Variants in PHF20 observed in about 807,000 individuals in gnomAD.
PHF20 encodes PHD finger protein 20, also known as glioma-expressed antigen 2.
A neutral mutation model predicts 113.5 loss-of-function variants in PHF20; 23 were observed. The ratio of observed to expected loss-of-function variants is 0.20; its 90% confidence interval spans 0.15 to 0.29. PHF20 has a LOEUF of 0.29. PHF20 is among the 10% of genes least tolerant of loss of function. The pLI is 1.00. For synonymous variants in PHF20, 434 were observed against 457.3 expected, an observed-to-expected ratio of 0.95 and a Z score of 0.65; for missense variants, 943 against 1,219.6, an observed-to-expected ratio of 0.77 and a Z score of 3.38.
chr20:35,813,475 C>T lies in PHF20; in HGVS notation c.83+11870C>T, dbSNP rs79292874. ...TTGTTTTCTGGCACTACTAGAAACCCCAAACTTACTTTCTACTTTTCTTAT... is the reference window on the plus strand; with the variant it reads ...TTGTTTTCTGGCACTACTAGAAACCTCAAACTTACTTTCTACTTTTCTTAT... On this transcript the variant is annotated intron_variant, in intron 2 of 17. Transcript: ENST00000374012. Among the ~76,000 whole-genome samples the T allele has an allele frequency of 4.6e-3, 703 of 152,258 alleles. 7 individuals carry two copies. Among genetic ancestry groups the T allele is most frequent in the African/African-American group, 0.016 (679 of 41,540 alleles).
intron 9 of PHF20, among the ~76,000 whole-genome samples, chr20:35,875,273 C>T (rs1297368401): frequency 6.6e-6 from 1 of 152,082 alleles, no homozygotes; most frequent in Non-Finnish European, 1.5e-5. Flanking sequence ...TGGCGCACGC[C>T]TGTAGTCCCA....
chr20:35,786,389 CAATA>C (rs542171645), intron 1 of PHF20, among the ~76,000 whole-genome samples: 1 of 149,772 alleles, frequency 6.7e-6, no homozygotes, highest in Non-Finnish European at 1.5e-5. Context: ...GACTCCGTCT[CAATA>C]AATAAATAAA....
chr20:35,835,231 C>T (rs192012771), intron 2 of PHF20, among the ~76,000 whole-genome samples: 313 of 151,896 alleles, frequency 2.1e-3, no homozygotes, highest in Non-Finnish European at 3.4e-3. Context: ...GCTGAGAACA[C>T]GCCACTGCAC....
chr20:35,917,430 G>A, intron 12 of PHF20, 54 bp from the exon 13 acceptor site: 1 of 1,461,406 alleles, frequency 6.8e-7, no homozygotes, highest in Non-Finnish European at 9.5e-7. Flanking sequence ...ACAATCAAAG[G>A]TTTTTTAATT....
chr20:35,857,562 C>CTTTTTTTTTTTTTTTTT (rs56655276), intron 4 of PHF20, among the ~76,000 whole-genome samples: 75 of 99,678 alleles, frequency 7.5e-4, no homozygotes, highest in South Asian at 2.1e-3. Flanking sequence ...AATGATGTTC[C>CTTTTTTTTTTTTTTTTT]TTTTTTTTTT....
intron 12 of PHF20, chr20:35,917,154 G>GA (rs1431416818): frequency 2.5e-6 from 1 of 402,854 alleles, no homozygotes; most frequent in East Asian, 6.5e-5. Context: ...GAACATGTTA[G>GA]AGTTGTCAGG....
At chr20:35,835,369 G>A (rs1293763354) in intron 2 of PHF20, among the ~76,000 whole-genome samples, 1 of 152,192 alleles carries the variant, frequency 6.6e-6, no homozygotes, top group East Asian at 1.9e-4. Flanking sequence ...AAGGCCCTCA[G>A]AGTAGGTGGT....
Position 35,801,591 on chromosome 20 carries a change from C to A in PHF20, c.69C>A (p.Asp23Glu). 6.2e-7 allele frequency: 1 copy of A among 1,611,518 alleles called. No homozygotes were observed. The highest frequency in any genetic ancestry group is 8.5e-7 in the Non-Finnish European group (1 of 1,177,960). ...FEVGAQLEAR[D>E]RLKNWYPAHI... ...TGGGAGCCCAGTTGGAAGCCCGGGA[C>A]CGTTTAAAAAACTGGTACTTTTACA... The change falls in exon 2 of 18, where the codon GAC (aspartate) becomes GAA (glutamate). Residue 23 changes from aspartate to glutamate, a missense_variant. Physicochemically the swap from Asp to Glu is conservative, Grantham distance 45 (BLOSUM62 2). Around this residue, in one of 3 missense-constraint regions of PHF20, gnomAD observed 592 missense variants for 787.2 expected, o/e 0.75. Transcript: ENST00000374012.
At chr20:35,941,812 G>A (rs6060702) in intron 17 of PHF20, among the ~76,000 whole-genome samples, 5,919 of 152,296 alleles carry the variant, frequency 0.039, 413 homozygotes, top group African/African-American at 0.14. Context: ...GTGATGCCAT[G>A]AGGTGTGGCC....
intron 9 of PHF20, among the ~76,000 whole-genome samples, chr20:35,895,809 C>T (rs1050928330): frequency 3.3e-5 from 5 of 151,702 alleles, no homozygotes; most frequent in Admixed American, 1.3e-4. Flanking sequence ...CCTCAGCCTC[C>T]GGAGTTGCTG....
At chr20:35,815,306 G>A (rs902271240) in intron 2 of PHF20, among the ~76,000 whole-genome samples, 7 of 150,496 alleles carry the variant, frequency 4.7e-5, no homozygotes, top group African/African-American at 1.5e-4. Flanking sequence ...GGCCAGACAC[G>A]GTGACTCATG....
chr20:35,801,417 T>A (rs1165439628), intron 1 of PHF20, 74 bp from the exon 2 acceptor site: 1 of 695,638 alleles, frequency 1.4e-6, no homozygotes, highest in African/African-American at 1.8e-5. Context: ...CCTGTTTTTT[T>A]ATGTGTAGTG....
rs776924388 is a variant in PHF20 at position 35,805,354 on chromosome 20, T to TTA, written c.83+3750_83+3751insAT. Among the ~76,000 whole-genome samples, 280 of 125,190 alleles carry TTA rather than the reference T, an allele frequency of 2.2e-3. 2 individuals are homozygous for TTA. Among genetic ancestry groups the TTA allele is most frequent in the Middle Eastern group, 3.9e-3 (1 of 254 alleles). 82.1% of individuals were successfully genotyped at this position (125,190 alleles called of 152,430 possible). ...AGGCACATGCCACCACGCCTGATTT[T>TTA]TTATTATTATTATTATTATTATTAT... On this transcript the variant is annotated intron_variant, in intron 2 of 17. Coordinates refer to ENST00000374012, the MANE Select transcript of PHF20 (RefSeq NM_016436.5).
intron 17 of PHF20, among the ~76,000 whole-genome samples, chr20:35,947,060 A>G (rs1350966836): frequency 6.6e-6 from 1 of 152,224 alleles, no homozygotes; most frequent in Non-Finnish European, 1.5e-5. Flanking sequence ...GCTTCCTTCC[A>G]AGACTTCTAG....
intron 15 of PHF20, among the ~76,000 whole-genome samples, chr20:35,937,391 C>T (rs1033118619): frequency 5.3e-5 from 8 of 151,534 alleles, no homozygotes; most frequent in Non-Finnish European, 8.8e-5. Flanking sequence ...TCGCTTGAAC[C>T]TGGGAGGTGG....
intron 4 of PHF20, among the ~76,000 whole-genome samples, chr20:35,848,161 A>G (rs997434258): frequency 1.4e-4 from 22 of 152,184 alleles, no homozygotes; most frequent in Middle Eastern, 3.2e-3. Flanking sequence ...AGGGTTGACT[A>G]TTAGGCCAGC....
chr20:35,791,792 T>C (rs2041561074), intron 1 of PHF20, among the ~76,000 whole-genome samples: 1 of 151,880 alleles, frequency 6.6e-6, no homozygotes, highest in Non-Finnish European at 1.5e-5. Context: ...TACAAAATGT[T>C]GTCCGAGTGT....
intron 1 of PHF20, among the ~76,000 whole-genome samples, chr20:35,794,609 T>C (rs2146853672): frequency 6.6e-6 from 1 of 152,298 alleles, no homozygotes; most frequent in Non-Finnish European, 1.5e-5. Context: ...TCCCAAAGCC[T>C]GTTCTGTAGT....
intron 3 of PHF20, among the ~76,000 whole-genome samples, chr20:35,846,815 T>C (rs183071305): frequency 7.9e-4 from 120 of 152,274 alleles, no homozygotes; most frequent in African/African-American, 2.7e-3. Flanking sequence ...ATAGAATACC[T>C]GAGACTAGGT....
Sources: gnomAD v4.1 joint callset for allele counts (sites outside exome capture counted in the v4.1 genomes callset) on GRCh38, gnomAD v4.1.1 for gene constraint, gnomAD v4.1.1 regional missense constraint, MANE v1.5 for transcripts, NCBI Gene and HGNC (gene_info 2026-07-23, HGNC 2026-07-21) for gene names.